The following DHX30 variants were observed in gnomAD, a reference collection of about 807,000 sequenced individuals.
The protein encoded by DHX30 is ATP-dependent RNA helicase DHX30.
In DHX30, 4 loss-of-function variants were observed where a neutral mutation model predicts 116.9. The ratio of observed to expected loss-of-function variants is 0.03; its 90% confidence interval spans 0.02 to 0.08. The LOEUF (loss-of-function observed/expected upper bound fraction) is 0.08, where lower values mean the gene tolerates loss of function less well. DHX30 is among the 10% of genes least tolerant of loss of function. The pLI, the probability that DHX30 is intolerant of heterozygous loss-of-function variation, is 1.00. For missense variants in DHX30, 871 were observed against 1,595.1 expected (o/e 0.55, Z 7.73); for synonymous variants, 697 against 651.7 (o/e 1.07, Z -1.06).
At chr3:47,810,102 CTG>C (rs1165319917) in intron 2 of DHX30, among the ~76,000 whole-genome samples, 2 of 152,128 alleles carry the variant, frequency 1.3e-5, no homozygotes, top group Admixed American at 6.6e-5. Flanking sequence ...TTCTGAATCA[CTG>C]TACAGTTATT....
chr3:47,814,890 ATT>A (rs879392900), intron 3 of DHX30, among the ~76,000 whole-genome samples: 3 of 145,150 alleles, frequency 2.1e-5, no homozygotes, highest in Non-Finnish European at 1.5e-5. Context: ...TAAAAAAATA[ATT>A]TTTTTTTTTT....
intron 6 of DHX30, among the ~76,000 whole-genome samples, chr3:47,839,280 C>CTTTTT (rs59932351): frequency 3.9e-5 from 5 of 129,806 alleles, no homozygotes; most frequent in South Asian, 2.5e-4. Flanking sequence ...CTTATATTCT[C>CTTTTT]TTTTTTTTTT....
rs1036058872 is a variant in DHX30, at chr3:47,849,229, C to T, written c.2967C>T (p.Ala989=). The T allele has an allele frequency of 6.2e-7, 1 of 1,614,110 alleles. No individual in the cohort carries two copies. ...IKQFSENIYE[A]FLVGKPSDCT... ...AGTTCTCAGAGAACATTTATGAGGC[C>T]TTCCTGGTGGGGAAGCCCTCGGACT... The change falls in exon 19 of 22, where the codon GCC becomes GCT. Residue 989 remains alanine, a synonymous_variant. Coordinates refer to ENST00000445061, the MANE Select transcript of DHX30 (RefSeq NM_138615.3).
chr3:47,848,091 G>T lies in DHX30; in HGVS notation c.2287-89G>T. 6.3e-7 allele frequency: 1 copy of T among 1,587,812 alleles called. No individual in the cohort carries two copies. On this transcript the variant is annotated intron_variant, in intron 14 of 21. Coordinates refer to ENST00000445061, the MANE Select transcript of DHX30 (RefSeq NM_138615.3). The surrounding 1 kb of genome is among the most constrained non-coding windows in gnomAD (Gnocchi z 9.4). The stretch of plus-strand genomic sequence containing the variant: ...GCGCTTGTGGGGTCTCAGTGTTCCT[G>T]ATGTAGGGGGCTGGTGAGGGTTACT...
Position 47,848,124 on chromosome 3 carries a change from T to TG in DHX30, c.2287-52dup. Reference sequence around the variant, plus strand: ...GGGCTGGTGAGGGTTACTCAGGGAGTGGGGAAGCACTGAGGAAGTGGCATT... The same window carrying TG: ...GGGCTGGTGAGGGTTACTCAGGGAGTGGGGGAAGCACTGAGGAAGTGGCATT... On this transcript the variant is annotated intron_variant, in intron 14 of 21. Coordinates refer to ENST00000445061, the MANE Select transcript of DHX30 (RefSeq NM_138615.3). This position sits in a 1 kb window ranked among gnomAD's most constrained non-coding sequence, Gnocchi z 9.4. The TG allele has an allele frequency of 6.2e-7, 1 of 1,604,014 alleles. No individual in the cohort carries two copies. The highest frequency in any genetic ancestry group is 8.5e-7 in the Non-Finnish European group (1 of 1,172,716).
Position 47,848,566 on chromosome 3 carries a change from G to C in DHX30, c.2575+16G>C, listed in dbSNP as rs749089173. On this transcript the variant is annotated intron_variant, in intron 16 of 21. Transcript: ENST00000445061. This position sits in a 1 kb window ranked among gnomAD's most constrained non-coding sequence, Gnocchi z 9.4. ...CAGGAGATCGGTATGTAGGGGCTGG[G>C]CTGGGCTGGGCTGGGGAGTGGCTCT... 6 of 1,613,460 alleles carry C rather than the reference G, an allele frequency of 3.7e-6. No homozygotes were observed. In the South Asian group the frequency reaches 6.6e-5, roughly 18 times the overall value.
chr3:47,842,985 G>A (rs1372142690), intron 8 of DHX30, 121 bp from the exon 9 acceptor site: 9 of 1,277,264 alleles, frequency 7.0e-6, no homozygotes, highest in African/African-American at 3.0e-5. Flanking sequence ...CATGGCTCAC[G>A]CCTGGCACCT....
At chr3:47,833,912 A>G (rs1034834593) in intron 6 of DHX30, among the ~76,000 whole-genome samples, 2 of 152,224 alleles carry the variant, frequency 1.3e-5, no homozygotes, top group South Asian at 4.1e-4. Flanking sequence ...ATAATACAGT[A>G]TTATTAATTA....
intron 1 of DHX30, among the ~76,000 whole-genome samples, chr3:47,803,766 C>G (rs1329830417): frequency 1.3e-5 from 2 of 152,152 alleles, no homozygotes; most frequent in Non-Finnish European, 2.9e-5. Context: ...GTAACTTGTC[C>G]CATTTAGCAG....
chr3:47,824,539 G>A (rs1309551314), intron 4 of DHX30, among the ~76,000 whole-genome samples: 8 of 152,020 alleles, frequency 5.3e-5, no homozygotes, highest in Non-Finnish European at 1.5e-5. Flanking sequence ...GGATCCATCC[G>A]CCTCAACCTC....
intron 4 of DHX30, among the ~76,000 whole-genome samples, chr3:47,826,522 T>C (rs1188797026): frequency 6.7e-6 from 1 of 149,708 alleles, no homozygotes; most frequent in Non-Finnish European, 1.5e-5. Context: ...CTTGCCTCAC[T>C]ACAACCTCCG....
chr3:47,818,689 C>A (rs2036162140), intron 4 of DHX30, among the ~76,000 whole-genome samples: 1 of 152,172 alleles, frequency 6.6e-6, no homozygotes, highest in Non-Finnish European at 1.5e-5. Flanking sequence ...CAGCTTACCT[C>A]AGGCCCTATC....
chr3:47,846,054 C>T (rs1185489396), intron 10 of DHX30, 111 bp from the exon 11 acceptor site: 30 of 1,414,684 alleles, frequency 2.1e-5, no homozygotes, highest in Non-Finnish European at 2.9e-5. Context: ...TAATCCTCTG[C>T]CCAGCGGGTT....
intron 5 of DHX30, among the ~76,000 whole-genome samples, chr3:47,828,374 T>C (rs1190023422): frequency 6.7e-6 from 1 of 149,780 alleles, no homozygotes; most frequent in Non-Finnish European, 1.5e-5. Context: ...ATGAGGGGAT[T>C]GCTTGAGCCC....
chr3:47,827,593 A>G, intron 5 of DHX30, 116 bp downstream of exon 5: 1 of 1,375,712 alleles, frequency 7.3e-7, no homozygotes, highest in Non-Finnish European at 9.8e-7. Context: ...CCTGAATTAA[A>G]ATGGTCAGCA....
intron 5 of DHX30, among the ~76,000 whole-genome samples, chr3:47,828,526 C>T (rs2036653150): frequency 6.7e-6 from 1 of 150,170 alleles, no homozygotes; most frequent in African/African-American, 2.5e-5. Flanking sequence ...AATCCCAGCA[C>T]TTTGGGAGGC....
intron 6 of DHX30, among the ~76,000 whole-genome samples, chr3:47,837,784 G>A (rs1367455302): frequency 6.6e-6 from 1 of 152,074 alleles, no homozygotes; most frequent in Non-Finnish European, 1.5e-5. Context: ...CAACAAAAAG[G>A]TATTAGAGAA....
intron 2 of DHX30, among the ~76,000 whole-genome samples, chr3:47,808,982 G>A (rs765468853): frequency 5.3e-5 from 8 of 151,908 alleles, no homozygotes; most frequent in Admixed American, 2.0e-4. Flanking sequence ...TCTGCTTCCC[G>A]GATTCAAGCG....
chr3:47,837,675 C>T (rs1355805748), intron 6 of DHX30, among the ~76,000 whole-genome samples: 2 of 152,154 alleles, frequency 1.3e-5, no homozygotes, highest in African/African-American at 2.4e-5. Context: ...GCAGGAGAAT[C>T]GCTTGAACCT....
Sources: gnomAD v4.1 joint callset for allele counts (sites outside exome capture counted in the v4.1 genomes callset) on GRCh38, gnomAD v4.1.1 for gene constraint, Gnocchi (gnomAD v3.1) non-coding constraint, MANE v1.5 for transcripts, NCBI Gene and HGNC (gene_info 2026-07-23, HGNC 2026-07-21) for gene names.